Variants in PITPNA observed in about 807,000 individuals in gnomAD.
PITPNA encodes the protein phosphatidylinositol transfer protein alpha isoform.
PITPNA carries 13 observed loss-of-function variants against 50.3 expected under a neutral mutation model. The ratio of observed to expected loss-of-function variants is 0.26; its 90% confidence interval spans 0.17 to 0.41. PITPNA has a LOEUF of 0.41. PITPNA is among the 10% of genes least tolerant of loss of function. The probability of loss-of-function intolerance (pLI) is 1.00; values close to 1 mark genes in which losing one functional copy is unlikely to be tolerated. For missense variants in PITPNA, 207 were observed against 333.4 expected, an observed-to-expected ratio of 0.62 and a Z score of 2.95; for synonymous variants, 120 against 119.6, an observed-to-expected ratio of 1.00 and a Z score of -0.02.
At chr17:1,529,859 G>GAAAAA (rs576234626) in intron 10 of PITPNA, among the ~76,000 whole-genome samples, 58 of 125,818 alleles carry the variant, frequency 4.6e-4, no homozygotes, top group East Asian at 6.6e-4. Context: ...TGTTTCAAAA[G>GAAAAA]AAAAAAAAAA....
At chr17:1,553,421 G>T (rs956661019) in intron 2 of PITPNA, among the ~76,000 whole-genome samples, 8 of 151,480 alleles carry the variant, frequency 5.3e-5, no homozygotes, top group Admixed American at 3.3e-4. Flanking sequence ...TATTTTTTTT[G>T]GTAGAGACAG....
At chr17:1,556,299 A>G (rs78920236) in intron 2 of PITPNA, among the ~76,000 whole-genome samples, 3,307 of 152,264 alleles carry the variant, frequency 0.022, 129 homozygotes, top group African/African-American at 0.075. Context: ...GTGAATCCTG[A>G]TCAGCACTCA....
Position 1,562,040 on chromosome 17 carries a change from GA to G in PITPNA, c.20+500del, listed in dbSNP as rs1399297844. 2.6e-5 allele frequency among the ~76,000 whole-genome samples: 4 copies of G among 151,872 alleles called. No individual in the cohort carries two copies. The highest frequency in any genetic ancestry group is 4.4e-5 in the Non-Finnish European group (3 of 67,928). On this transcript the variant is annotated intron_variant, in intron 1 of 11. Coordinates refer to ENST00000313486, the MANE Select transcript of PITPNA (RefSeq NM_006224.4). The surrounding 1 kb of genome is among the most constrained non-coding windows in gnomAD (Gnocchi z 6.4). ...CCCGCGCCCTCGGCCCGCGCAGAGCGACCCCACAGCACTCCCAGCGCTCGGC... is the reference window on the plus strand; with the variant it reads ...CCCGCGCCCTCGGCCCGCGCAGAGCGCCCCACAGCACTCCCAGCGCTCGGC...
chr17:1,543,371 C>T (rs1485351761), intron 4 of PITPNA, among the ~76,000 whole-genome samples: 2 of 152,136 alleles, frequency 1.3e-5, no homozygotes, highest in East Asian at 3.9e-4. Context: ...CGTTCTCCGG[C>T]GCCTCCCACC....
chr17:1,527,287 A>C (rs766082641), intron 10 of PITPNA, among the ~76,000 whole-genome samples: 2 of 152,174 alleles, frequency 1.3e-5, no homozygotes, highest in African/African-American at 2.4e-5. Context: ...TCTGTTGCCC[A>C]GGCTGGAGTA....
chr17:1,559,803 G>C, intron 1 of PITPNA: 1 of 984,274 alleles, frequency 1.0e-6, no homozygotes, highest in Non-Finnish European at 1.2e-6. Flanking sequence ...AAACAAAATG[G>C]GCTCCAAGTC....
intron 6 of PITPNA, 36 bp downstream of exon 6, chr17:1,541,530 A>G (rs1311760076): frequency 1.4e-6 from 2 of 1,466,952 alleles, no homozygotes; most frequent in East Asian, 4.5e-5. Context: ...GAGACTCAAG[A>G]CCTCACCCCT....
intron 3 of PITPNA, among the ~76,000 whole-genome samples, chr17:1,548,598 C>A (rs564182538): frequency 6.6e-6 from 1 of 152,116 alleles, no homozygotes; most frequent in Non-Finnish European, 1.5e-5. Context: ...CCACCAGCCA[C>A]CAGAAACAGG....
chr17:1,536,484 T>C (rs1314732912), intron 7 of PITPNA, among the ~76,000 whole-genome samples: 2 of 152,010 alleles, frequency 1.3e-5, no homozygotes, highest in African/African-American at 4.8e-5. Flanking sequence ...AGAGACGGGG[T>C]TTCACCGTGT....
chr17:1,554,115 C>A (rs1239916035), intron 2 of PITPNA, among the ~76,000 whole-genome samples: 1 of 152,224 alleles, frequency 6.6e-6, no homozygotes, highest in Non-Finnish European at 1.5e-5. Flanking sequence ...CTTAGCCCTT[C>A]CGCCTTCTTC....
chr17:1,547,992 T>C (rs1230709975), intron 4 of PITPNA, among the ~76,000 whole-genome samples: 1 of 152,022 alleles, frequency 6.6e-6, no homozygotes, highest in Non-Finnish European at 1.5e-5. Context: ...AGACTCCATC[T>C]CCCAAAAAAT....
At chr17:1,560,920 C>T (rs1180612843) in intron 1 of PITPNA, among the ~76,000 whole-genome samples, 2 of 152,158 alleles carry the variant, frequency 1.3e-5, no homozygotes. Flanking sequence ...ACCCAAACTC[C>T]ACTCTATGTC....
At position 1,530,365 on chromosome 17, in the gene PITPNA, G is replaced by C. The variant is rs189328711; in HGVS notation, c.768+3734C>G. ...AAAAAAGGCAAGTTGGGGAGAAAGA[G>C]AGAGACAGAAACTGCTTTCCTACAG... On this transcript the variant is annotated intron_variant, in intron 10 of 11. Transcript: ENST00000313486. 2.6e-4 allele frequency among the ~76,000 whole-genome samples: 39 copies of C among 147,664 alleles called. No individual in the cohort carries two copies. In the East Asian group the frequency reaches 7.3e-3, roughly 28 times the overall value.
chr17:1,553,024 G>C lies in PITPNA; in HGVS notation c.177C>G (p.His59Gln), dbSNP rs2230463. ...CATACCTCTGCAGGTGGTAGATCTTGTGTGTGTACTGGCCTTTCTCACCGT... is the reference window on the plus strand; with the variant it reads ...CATACCTCTGCAGGTGGTAGATCTTCTGTGTGTACTGGCCTTTCTCACCGT... ...EKDGEKGQYT[H>Q]KIYHLQSKVP... The change falls in exon 3 of 12, where the codon CAC (histidine) becomes CAG (glutamine). Residue 59 changes from histidine to glutamine, a missense_variant. Coordinates refer to ENST00000313486, the MANE Select transcript of PITPNA (RefSeq NM_006224.4). 1.9e-6 allele frequency: 3 copies of C among 1,613,806 alleles called. No individual in the cohort carries two copies. The highest frequency in any genetic ancestry group is 2.5e-6 in the Non-Finnish European group (3 of 1,179,878).
In PITPNA at chr17:1,548,792, G is replaced by T. The variant is rs189044515; in HGVS notation, c.198-405C>A. ...GCCAGGGTAACTAGCCGACTAACTT[G>T]GGTTTGGGATCCAGGATTATCTGAT... On this transcript the variant is annotated intron_variant, in intron 3 of 11. Transcript: ENST00000313486. 7.2e-5 allele frequency among the ~76,000 whole-genome samples: 11 copies of T among 152,330 alleles called. No homozygotes were observed. The East Asian group carries it at 1.9e-3, about 27-fold the overall frequency.
intron 2 of PITPNA, among the ~76,000 whole-genome samples, chr17:1,558,009 T>C (rs1323821492): frequency 6.6e-6 from 1 of 152,182 alleles, no homozygotes; most frequent in Non-Finnish European, 1.5e-5. Flanking sequence ...GGCGGGCGGA[T>C]CACTTGAGGT....
chr17:1,548,907 T>G (rs546552661), intron 3 of PITPNA, among the ~76,000 whole-genome samples: 24 of 152,252 alleles, frequency 1.6e-4, no homozygotes, highest in African/African-American at 5.3e-4. Context: ...TCTTTTTTTT[T>G]GTTTGTTTGT....
At chr17:1,542,201 GA>G (rs11349129) in intron 5 of PITPNA, among the ~76,000 whole-genome samples, 2,816 of 132,784 alleles carry the variant, frequency 0.021, 34 homozygotes, top group African/African-American at 0.03. Flanking sequence ...ACTCCGTTTC[GA>G]AAAAAAAAAA....
intron 9 of PITPNA, among the ~76,000 whole-genome samples, chr17:1,534,901 AG>A (rs2075605623): frequency 6.6e-6 from 1 of 152,236 alleles, no homozygotes; most frequent in South Asian, 2.1e-4. Flanking sequence ...CCAAACTGTG[AG>A]GTATGCTCAT....
Sources: allele counts gnomAD v4.1 joint callset (sites outside exome capture counted in the v4.1 genomes callset), GRCh38; gene constraint gnomAD v4.1.1; non-coding constraint Gnocchi (gnomAD v3.1); transcripts MANE v1.5; gene names NCBI Gene and HGNC (gene_info 2026-07-23, HGNC 2026-07-21).